Variants in INSR observed in about 807,000 individuals in gnomAD.
INSR encodes IR.
A neutral mutation model predicts 142.6 loss-of-function variants in INSR; 67 were observed. That is an observed-to-expected ratio of 0.47 (90% CI 0.39 to 0.58). The LOEUF is 0.58. INSR is among the 20% of genes least tolerant of loss of function. The pLI, the probability that INSR is intolerant of heterozygous loss-of-function variation, is 0.00. For synonymous variants in INSR, 756 were observed against 743.1 expected (o/e 1.02, Z -0.28); for missense variants, 1,248 against 1,833.2 (o/e 0.68, Z 5.83).
At position 7,125,512 on chromosome 19, in the gene INSR, A is replaced by G; in HGVS notation, c.3029T>C (p.Val1010Ala). The G allele has an allele frequency of 6.2e-7, 1 of 1,613,868 alleles. No individual in the cohort carries two copies. The highest frequency in any genetic ancestry group is 8.5e-7 in the Non-Finnish European group (1 of 1,180,028). Residue 1010 changes from valine (V) to alanine (A), a missense_variant, in exon 17 of 22, where the codon GTG becomes GCG. Physicochemically the swap from Val to Ala is moderately conservative, Grantham distance 64. Coordinates refer to ENST00000302850, the MANE Select transcript of INSR (RefSeq NM_000208.4). The surrounding 1 kb of genome is among the most constrained non-coding windows in gnomAD (Gnocchi z 4.9). ...CACCTCCCACTCGTCCGGCACGTAC[A>G]CAGAGCATGGAAACACTACTTCTTA... Reference protein sequence around the residue: ...LSASDVFPCSVYVPDEWEVSR... With the variant: ...LSASDVFPCSAYVPDEWEVSR...
rs564385334 is a variant in INSR, at chr19:7,176,911, A to G, written c.975-2180T>C. 2.0e-5 allele frequency among the ~76,000 whole-genome samples: 3 copies of G among 152,314 alleles called. No individual in the cohort carries two copies. In the East Asian group the frequency reaches 5.8e-4, roughly 29 times the overall value. On this transcript the variant is annotated intron_variant, in intron 3 of 21. Coordinates refer to ENST00000302850, the MANE Select transcript of INSR (RefSeq NM_000208.4). ...ATGTGGCAGAACTGACAGTTACCCC[A>G]ACGTGGCAGAATTCAACCTGCTACT...
At chr19:7,250,988 G>A (rs1039157512) in intron 2 of INSR, among the ~76,000 whole-genome samples, 14 of 151,842 alleles carry the variant, frequency 9.2e-5, no homozygotes, top group Non-Finnish European at 1.5e-4. Context: ...AGGGATGGAG[G>A]GAGAACCTGT....
intron 2 of INSR, among the ~76,000 whole-genome samples, chr19:7,250,084 A>G (rs560863009): frequency 1.3e-5 from 2 of 152,130 alleles, no homozygotes; most frequent in Admixed American, 1.3e-4. Flanking sequence ...GCTTGAGACC[A>G]GGAGTTCCAG....
chr19:7,271,455 A>G (rs1568231784), intron 1 of INSR, among the ~76,000 whole-genome samples: 1 of 152,140 alleles, frequency 6.6e-6, no homozygotes, highest in African/African-American at 2.4e-5. Context: ...AGCCAAGATC[A>G]CTGCACTCCA....
At chr19:7,153,549 T>C (rs1332639060) in intron 9 of INSR, among the ~76,000 whole-genome samples, 2 of 132,942 alleles carry the variant, frequency 1.5e-5, no homozygotes, top group South Asian at 4.9e-4. Context: ...AGAGCCTAGA[T>C]TTGAGCTCCG....
At chr19:7,244,321 C>A (rs1305400337) in intron 2 of INSR, among the ~76,000 whole-genome samples, 9 of 152,012 alleles carry the variant, frequency 5.9e-5, no homozygotes, top group Non-Finnish European at 2.9e-5. Flanking sequence ...TGACTTGAGG[C>A]CAGGAATTCG....
chr19:7,259,568 C>T (rs542437624), intron 2 of INSR, among the ~76,000 whole-genome samples: 148 of 152,214 alleles, frequency 9.7e-4, no homozygotes, highest in African/African-American at 3.5e-3. Flanking sequence ...CCTGTAATCC[C>T]AGCACTTTGG....
At chr19:7,153,260 T>A (rs111164990) in intron 9 of INSR, among the ~76,000 whole-genome samples, 1 of 2,002 alleles carries the variant, frequency 5.0e-4, no homozygotes. Flanking sequence ...ACACACACAC[T>A]ACATGCACAC....
chr19:7,277,657 C>A (rs565955495), intron 1 of INSR, among the ~76,000 whole-genome samples: 1 of 151,940 alleles, frequency 6.6e-6, no homozygotes, highest in Non-Finnish European at 1.5e-5. Flanking sequence ...CATAGCCAGG[C>A]GTGGTGAGGC....
intron 1 of INSR, among the ~76,000 whole-genome samples, chr19:7,289,546 C>A (rs1052113252): frequency 6.6e-6 from 1 of 151,394 alleles, no homozygotes; most frequent in African/African-American, 2.4e-5. Flanking sequence ...GCTAGGATTA[C>A]AAGGACCCGC....
At chr19:7,158,661 G>A (rs561998745) in intron 9 of INSR, among the ~76,000 whole-genome samples, 287 of 152,200 alleles carry the variant, frequency 1.9e-3, no homozygotes, top group Non-Finnish European at 3.5e-3. Flanking sequence ...AGATGAGAAA[G>A]TTCTGGAGAT....
rs1053653882 is a variant in INSR, at chr19:7,125,350, C to T, written c.3191G>A (p.Ser1064Asn). Residue 1064 changes from serine to asparagine, a missense_variant, in exon 17 of 22, where the codon AGT becomes AAT. Physicochemically the swap from Ser to Asn is conservative, Grantham distance 46 (BLOSUM62 1). Around this residue, in one of 3 missense-constraint regions of INSR, gnomAD observed 1,069 missense variants for 1,654.0 expected, o/e 0.65. Transcript: ENST00000302850. The surrounding 1 kb of genome is among the most constrained non-coding windows in gnomAD (Gnocchi z 4.9). Reference sequence around the variant, plus strand: ...GAGGAACTCAATCCGCTCTCGGAGACTGGCTGACTCGTTGACCGTCTTCAC... The same window carrying T: ...GAGGAACTCAATCCGCTCTCGGAGATTGGCTGACTCGTTGACCGTCTTCAC... ...VAVKTVNESA[S>N]LRERIEFLNE... 2 of 1,614,028 alleles carry T rather than the reference C, an allele frequency of 1.2e-6. No individual in the cohort carries two copies. Among genetic ancestry groups the T allele is most frequent in the African/African-American group, 1.3e-5 (1 of 74,916 alleles).
intron 2 of INSR, among the ~76,000 whole-genome samples, chr19:7,185,242 T>G (rs1974396038): frequency 6.6e-6 from 1 of 150,996 alleles, no homozygotes. Flanking sequence ...TATGAATATC[T>G]ATGTTTAACA....
intron 2 of INSR, among the ~76,000 whole-genome samples, chr19:7,203,006 T>G (rs199531049): frequency 1.3e-4 from 19 of 149,478 alleles, no homozygotes; most frequent in South Asian, 2.1e-4. Flanking sequence ...GTTTTTTTTT[T>G]TTTTTTTTCA....
chr19:7,263,441 A>AT (rs1265746471), intron 2 of INSR, among the ~76,000 whole-genome samples: 4 of 152,182 alleles, frequency 2.6e-5, no homozygotes, highest in Non-Finnish European at 5.9e-5. Flanking sequence ...ACTGCTACTA[A>AT]TGGATGGCTG....
intron 2 of INSR, among the ~76,000 whole-genome samples, chr19:7,205,612 C>A (rs1049999674): frequency 6.6e-6 from 1 of 152,152 alleles, no homozygotes; most frequent in African/African-American, 2.4e-5. Context: ...CTCTCTCATG[C>A]CTGTAATCCC....
chr19:7,117,814 C>G (rs1478337140), intron 21 of INSR, among the ~76,000 whole-genome samples: 1 of 151,740 alleles, frequency 6.6e-6, no homozygotes, highest in Non-Finnish European at 1.5e-5. Flanking sequence ...GCTATGTTGC[C>G]CAGGCTGGCC....
chr19:7,241,032 G>A (rs1976323064), intron 2 of INSR, among the ~76,000 whole-genome samples: 1 of 152,098 alleles, frequency 6.6e-6, no homozygotes, highest in African/African-American at 2.4e-5. Flanking sequence ...AATACATGCA[G>A]GGCTGGAAGT....
intron 2 of INSR, among the ~76,000 whole-genome samples, chr19:7,218,253 G>A (rs1805891771): frequency 6.6e-6 from 1 of 151,906 alleles, no homozygotes; most frequent in South Asian, 2.1e-4. Context: ...AGTGGGGGGA[G>A]GCCAGGGATG....
Sources: gnomAD v4.1 joint callset for allele counts (sites outside exome capture counted in the v4.1 genomes callset) on GRCh38, gnomAD v4.1.1 for gene constraint, gnomAD v4.1.1 regional missense constraint, Gnocchi (gnomAD v3.1) non-coding constraint, MANE v1.5 for transcripts, NCBI Gene and HGNC (gene_info 2026-07-23, HGNC 2026-07-21) for gene names.